The following CDC42BPA variants were observed in gnomAD, a reference collection of about 807,000 sequenced individuals.
CDC42BPA encodes the protein CDC42 binding protein kinase alpha.
CDC42BPA carries 80 observed loss-of-function variants against 223.5 expected under a neutral mutation model. The ratio of observed to expected loss-of-function variants is 0.36; its 90% CI spans 0.30 to 0.43. The LOEUF is 0.43. CDC42BPA is among the 20% of genes least tolerant of loss of function. The pLI is 1.00. For missense variants in CDC42BPA, 1,743 were observed against 2,099.9 expected (o/e 0.83, Z 3.32); for synonymous variants, 694 against 718.6 (o/e 0.97, Z 0.55).
At chr1:227,069,930 T>C in intron 20 of CDC42BPA, 77 bp from the exon 21 acceptor site, 1 of 964,728 alleles carries the variant, frequency 1.0e-6, no homozygotes, top group Non-Finnish European at 1.6e-6. Context: ...CCTGTCTGAA[T>C]CTACTAAAAG....
intron 1 of CDC42BPA, among the ~76,000 whole-genome samples, chr1:227,254,899 C>A (rs1184044368): frequency 6.6e-6 from 1 of 151,946 alleles, no homozygotes; most frequent in African/African-American, 2.4e-5. Context: ...TGTAGATATT[C>A]CAGGCAAGAG....
chr1:227,151,199 T>C (rs1379952356), intron 6 of CDC42BPA, among the ~76,000 whole-genome samples: 1 of 152,196 alleles, frequency 6.6e-6, no homozygotes, highest in African/African-American at 2.4e-5. Flanking sequence ...CATTGTACTT[T>C]GTTTCTTTGA....
At chr1:227,285,483 T>A (rs951484801) in intron 1 of CDC42BPA, among the ~76,000 whole-genome samples, 1 of 152,140 alleles carries the variant, frequency 6.6e-6, no homozygotes, top group African/African-American at 2.4e-5. Context: ...GCCCCTGAAA[T>A]AACAGACCCA....
intron 10 of CDC42BPA, among the ~76,000 whole-genome samples, chr1:227,132,944 T>C (rs4528079): frequency 0.84 from 126,014 of 149,756 alleles, 53,288 homozygotes; most frequent in African/African-American, 0.91. Context: ...GCAGCCGCCC[T>C]GTCTGAGAAG....
Position 227,069,805 on chromosome 1 carries a change from G to A in CDC42BPA, c.2876C>T (p.Thr959Met), listed in dbSNP as rs548551223. ...AAATTGATCCAGAGCATCGGTAGGC[G>A]TATTCAAAAATGCCAAGAAAGAATG... Reference protein sequence around the residue: ...SQHSFLAFLNTPTDALDQFET... With the variant: ...SQHSFLAFLNMPTDALDQFET... Residue 959 changes from threonine (T) to methionine (M), a missense_variant, in exon 21 of 37, where the codon ACG (threonine) becomes ATG (methionine). Around this residue, in one of 6 missense-constraint regions of CDC42BPA, gnomAD observed 678 missense variants for 777.5 expected, o/e 0.87. Transcript: ENST00000366766. 2.5e-5 allele frequency: 41 copies of A among 1,610,738 alleles called. No homozygotes were observed. Among genetic ancestry groups the A allele is most frequent in the Middle Eastern group, 1.7e-4 (1 of 6,046 alleles).
At chr1:227,217,138 T>C (rs1276028045) in intron 2 of CDC42BPA, among the ~76,000 whole-genome samples, 2 of 152,156 alleles carry the variant, frequency 1.3e-5, no homozygotes, top group African/African-American at 4.8e-5. Flanking sequence ...TCATTCACCA[T>C]ATCTCCTCTG....
In CDC42BPA at chr1:227,017,046, C is replaced by T; in HGVS notation, c.4620G>A (p.Gly1540=). Residue 1540 remains glycine, a synonymous_variant, in exon 33 of 37, where the codon GGG becomes GGA. Transcript: ENST00000366766. ...LIYFKNKMAE[G]DELVVPETSD... is the part of the protein sequence containing the mutation. ...ATGTTTCAGGTACTACCAGTTCGTC[C>T]CCTTCTGTTAAAATAAAAATACAAA... 6.2e-7 allele frequency: 1 copy of T among 1,606,534 alleles called. No individual in the cohort carries two copies.
Position 227,016,209 on chromosome 1 carries a change from G to T in CDC42BPA, c.4740-12C>A. 1 of 1,365,242 alleles carries T rather than the reference G, an allele frequency of 7.3e-7. No individual in the cohort carries two copies. The highest frequency in any genetic ancestry group is 1.0e-6 in the Non-Finnish European group (1 of 954,938). 84.6% of individuals were successfully genotyped at this position (1,365,242 alleles called of 1,614,324 possible). A position where few individuals can be genotyped will look rare whatever the true frequency, so the allele number is the denominator to read the frequency against. The stretch of plus-strand genomic sequence containing the variant: ...CTCGTAGCATTTCCCTGTAAGACAA[G>T]GCATCTGTTTAGATACTTTTTCCAC... On this transcript the variant is annotated splice_polypyrimidine_tract_variant and intron_variant, in intron 33 of 36. Transcript: ENST00000366766.
At chr1:227,260,404 C>T (rs1558893990) in intron 1 of CDC42BPA, among the ~76,000 whole-genome samples, 1 of 150,964 alleles carries the variant, frequency 6.6e-6, no homozygotes, top group African/African-American at 2.5e-5. Context: ...GTATACCTTG[C>T]AAGGTACATC....
At chr1:227,056,817 TTC>T (rs1330989263) in intron 21 of CDC42BPA, among the ~76,000 whole-genome samples, 26 of 152,242 alleles carry the variant, frequency 1.7e-4, no homozygotes, top group Admixed American at 4.6e-4. Context: ...ATATATTTAT[TTC>T]TGTTAATTGA....
At chr1:227,222,507 A>G (rs1048314379) in intron 2 of CDC42BPA, among the ~76,000 whole-genome samples, 10 of 150,282 alleles carry the variant, frequency 6.7e-5, no homozygotes, top group African/African-American at 2.2e-4. Flanking sequence ...TCAAACAAAG[A>G]AACAACAACA....
intron 7 of CDC42BPA, 42 bp downstream of exon 7, chr1:227,147,317 T>C: frequency 1.4e-6 from 2 of 1,404,804 alleles, no homozygotes; most frequent in Non-Finnish European, 2.0e-6. Flanking sequence ...ATTATATGTG[T>C]TATTTACCAC....
At chr1:227,089,652 A>T (rs77379489) in intron 16 of CDC42BPA, among the ~76,000 whole-genome samples, 1,587 of 54,458 alleles carry the variant, frequency 0.029, 26 homozygotes, top group Non-Finnish European at 0.039. Context: ...TTTTTTTTTT[A>T]AAAACAAACT....
At chr1:227,255,676 T>C (rs923427242) in intron 1 of CDC42BPA, among the ~76,000 whole-genome samples, 3 of 152,056 alleles carry the variant, frequency 2.0e-5, no homozygotes, top group African/African-American at 7.2e-5. Context: ...AATAAAAGAA[T>C]TAATAATAAT....
intron 2 of CDC42BPA, among the ~76,000 whole-genome samples, chr1:227,229,343 C>T (rs993116811): frequency 6.6e-6 from 1 of 152,170 alleles, no homozygotes; most frequent in African/African-American, 2.4e-5. Context: ...TATTTATGGA[C>T]TTTCAATTCT....
chr1:227,255,355 T>C (rs951544974), intron 1 of CDC42BPA, among the ~76,000 whole-genome samples: 4 of 152,224 alleles, frequency 2.6e-5, no homozygotes, highest in Middle Eastern at 3.2e-3. Context: ...AAAGTATGCA[T>C]TTAGCTCTAA....
intron 25 of CDC42BPA, 34 bp from the exon 26 acceptor site, chr1:227,034,828 AC>A: frequency 8.2e-7 from 1 of 1,226,022 alleles, no homozygotes; most frequent in Non-Finnish European, 1.1e-6. Context: ...AACAGCCAAA[AC>A]AACTCAAATG....
chr1:227,120,013 A>AT (rs869156133), intron 11 of CDC42BPA, 76 bp from the exon 12 acceptor site: 26 of 1,214,126 alleles, frequency 2.1e-5, no homozygotes, highest in Admixed American at 5.8e-5. Context: ...AACAACTAAA[A>AT]TTTTTTTTAA....
chr1:227,250,195 AT>A (rs1189637588), intron 2 of CDC42BPA, among the ~76,000 whole-genome samples: 6 of 152,290 alleles, frequency 3.9e-5, no homozygotes, highest in Non-Finnish European at 5.9e-5. Flanking sequence ...AAAAAAAATA[AT>A]AATAATAAGG....
Sources: gnomAD v4.1 joint callset for allele counts (sites outside exome capture counted in the v4.1 genomes callset) on GRCh38, gnomAD v4.1.1 for gene constraint, gnomAD v4.1.1 regional missense constraint, MANE v1.5 for transcripts, NCBI Gene and HGNC (gene_info 2026-07-23, HGNC 2026-07-21) for gene names.